Variants in SUGCT observed in about 807,000 individuals in gnomAD.
SUGCT encodes the protein succinyl-CoA:glutarate CoA-transferase.
In SUGCT, 41 loss-of-function variants were observed where a neutral mutation model predicts 55.0. The ratio of observed to expected loss-of-function variants is 0.74; its 90% CI spans 0.58 to 0.97. The LOEUF (loss-of-function observed/expected upper bound fraction) is 0.97, where lower values mean the gene tolerates loss of function less well. Among genes scored for constraint, SUGCT ranks in the 50% least tolerant of loss-of-function variants. The pLI, the probability that SUGCT is intolerant of heterozygous loss-of-function variation, is 0.00. For synonymous variants in SUGCT, 187 were observed against 200.4 expected (o/e 0.93, Z 0.56); for missense variants, 568 against 547.8 (o/e 1.04, Z -0.37).
chr7:40,557,910 CAACA>C (rs1051458303), intron 12 of SUGCT, among the ~76,000 whole-genome samples: 1 of 151,718 alleles, frequency 6.6e-6, no homozygotes, highest in Non-Finnish European at 1.5e-5. Flanking sequence ...TATTGGTCAA[CAACA>C]AACAAATAAC....
chr7:40,410,248 T>C (rs563977148), intron 9 of SUGCT, among the ~76,000 whole-genome samples: 47 of 152,308 alleles, frequency 3.1e-4, no homozygotes, highest in Middle Eastern at 3.4e-3. Context: ...TTTAATTTTA[T>C]TTAGTTTTTT....
At chr7:40,728,759 C>T (rs1410266189) in intron 12 of SUGCT, among the ~76,000 whole-genome samples, 1 of 152,192 alleles carries the variant, frequency 6.6e-6, no homozygotes, top group Non-Finnish European at 1.5e-5. Context: ...ATATAGCTGT[C>T]TCACTGCAGT....
chr7:40,482,708 G>A (rs1035268738), intron 11 of SUGCT, among the ~76,000 whole-genome samples: 24 of 152,282 alleles, frequency 1.6e-4, no homozygotes, highest in Admixed American at 6.5e-4. Context: ...CCAAACCATT[G>A]TAATATGTGA....
chr7:40,399,643 G>T (rs1785953889), intron 9 of SUGCT, among the ~76,000 whole-genome samples: 1 of 152,186 alleles, frequency 6.6e-6, no homozygotes, highest in Non-Finnish European at 1.5e-5. Flanking sequence ...TTTGGTTCAT[G>T]TGTCCGTCTC....
At chr7:40,338,500 A>G (rs952783714) in intron 9 of SUGCT, among the ~76,000 whole-genome samples, 11 of 152,006 alleles carry the variant, frequency 7.2e-5, no homozygotes, top group Admixed American at 1.3e-4. Context: ...CATTCATTTG[A>G]TCTTCAATCA....
At chr7:40,603,913 G>T (rs1031516652) in intron 12 of SUGCT, among the ~76,000 whole-genome samples, 1 of 152,088 alleles carries the variant, frequency 6.6e-6, no homozygotes, top group Non-Finnish European at 1.5e-5. Context: ...GTGGCTTCTC[G>T]TGAGTTTAAG....
intron 6 of SUGCT, among the ~76,000 whole-genome samples, chr7:40,199,758 G>A (rs891444482): frequency 6.7e-6 from 1 of 149,116 alleles, no homozygotes; most frequent in East Asian, 1.9e-4. Context: ...TGAGTTTGTA[G>A]TGGGAACACT....
intron 12 of SUGCT, chr7:40,537,992 C>T (rs928422792): frequency 5.3e-5 from 8 of 152,154 alleles, no homozygotes; most frequent in East Asian, 1.9e-4. Flanking sequence ...ATAATGAACA[C>T]GATAGCTATG....
the SUGCT span, among the ~76,000 whole-genome samples, chr7:40,997,034 C>A: frequency 1.3e-5 from 2 of 152,310 alleles, no homozygotes; most frequent in East Asian, 3.9e-4. Flanking sequence ...GCTCCACAAC[C>A]TGAGGCTGAG....
intron 6 of SUGCT, 22 bp downstream of exon 6, chr7:40,195,082 G>A (rs1171285203): frequency 1.9e-6 from 3 of 1,591,400 alleles, no homozygotes; most frequent in African/African-American, 1.4e-5. Context: ...CCACACCCTT[G>A]TCAGTTAAAA....
At position 40,675,587 on chromosome 7, in the gene SUGCT, G is replaced by A. The variant is rs564154261; in HGVS notation, c.1090-73847G>A. On this transcript the variant is annotated intron_variant, in intron 12 of 13. Coordinates refer to ENST00000335693, the MANE Select transcript of SUGCT (RefSeq NM_001193313.2). ...AGAAACGTCTAGTGAGGCCACTTAA[G>A]CTACAGCTGGGGGTCAGAAGTGATG... Among the ~76,000 whole-genome samples the A allele has an allele frequency of 2.6e-5, 4 of 152,308 alleles. No homozygotes were observed. In the South Asian group the frequency reaches 8.3e-4, roughly 32 times the overall value.
intron 12 of SUGCT, among the ~76,000 whole-genome samples, chr7:40,511,106 C>T (rs932749883): frequency 4.3e-4 from 66 of 152,120 alleles, no homozygotes; most frequent in Admixed American, 5.2e-4. Context: ...TTTCCATCAT[C>T]GTCATTACAG....
At chr7:40,559,359 A>T (rs1420993426) in intron 12 of SUGCT, among the ~76,000 whole-genome samples, 1 of 152,222 alleles carries the variant, frequency 6.6e-6, no homozygotes, top group Non-Finnish European at 1.5e-5. Context: ...CTTAGCAATA[A>T]ATAATGTTTT....
At chr7:40,431,300 T>A (rs1276140217) in intron 9 of SUGCT, among the ~76,000 whole-genome samples, 1 of 152,140 alleles carries the variant, frequency 6.6e-6, no homozygotes, top group South Asian at 2.1e-4. Context: ...CTGGTCTGTG[T>A]GTCTGTTTTT....
At position 40,364,103 on chromosome 7, in the gene SUGCT, T is replaced by G. The variant is rs908243030; in HGVS notation, c.816+47248T>G. Reference sequence around the variant, plus strand: ...TTGTCTCTTTTGATCTTTGTTGGTTTAAAGTCTGTTTTATCCGAGACTAGG... The same window carrying G: ...TTGTCTCTTTTGATCTTTGTTGGTTGAAAGTCTGTTTTATCCGAGACTAGG... On this transcript the variant is annotated intron_variant, in intron 9 of 13. Transcript: ENST00000335693. Among the ~76,000 whole-genome samples the G allele has an allele frequency of 1.3e-3, 194 of 150,864 alleles. 2 individuals are homozygous for G. In the East Asian group the frequency reaches 0.025, roughly 19 times the overall value.
At chr7:40,355,960 T>G (rs1326776589) in intron 9 of SUGCT, among the ~76,000 whole-genome samples, 1 of 152,258 alleles carries the variant, frequency 6.6e-6, no homozygotes, top group Non-Finnish European at 1.5e-5. Flanking sequence ...ATATTTTCCT[T>G]TTACATGTCA....
chr7:40,292,363 G>T (rs1793842985), intron 8 of SUGCT, among the ~76,000 whole-genome samples: 2 of 152,046 alleles, frequency 1.3e-5, no homozygotes. Flanking sequence ...CTGTCTTCTT[G>T]GTGGGATAGT....
chr7:40,695,308 C>T (rs1784877282), intron 12 of SUGCT, among the ~76,000 whole-genome samples: 1 of 151,786 alleles, frequency 6.6e-6, no homozygotes, highest in South Asian at 2.1e-4. Context: ...AGCGATCCTC[C>T]CACCTCAGAC....
intron 12 of SUGCT, among the ~76,000 whole-genome samples, chr7:40,555,988 C>T (rs1004474590): frequency 6.6e-6 from 1 of 152,036 alleles, no homozygotes; most frequent in Non-Finnish European, 1.5e-5. Context: ...TCACCATGTA[C>T]CCTACATAAA....
Sources: allele counts gnomAD v4.1 joint callset (sites outside exome capture counted in the v4.1 genomes callset), GRCh38; gene constraint gnomAD v4.1.1; transcripts MANE v1.5; gene names NCBI Gene and HGNC (gene_info 2026-07-23, HGNC 2026-07-21).